KIAA0513: variants seen among roughly 807,000 people sequenced by gnomAD.
KIAA0513 encodes KIAA0513.
A neutral mutation model predicts 56.5 loss-of-function variants in KIAA0513; 39 were observed. That is an observed-to-expected ratio of 0.69 (90% CI 0.53 to 0.90). The LOEUF is 0.90. KIAA0513 is among the 40% of genes least tolerant of loss of function. KIAA0513 has a pLI of 0.00. For synonymous variants in KIAA0513, 268 were observed against 215.6 expected (o/e 1.24, Z -2.13); for missense variants, 591 against 535.2 (o/e 1.10, Z -1.03).
intron 4 of KIAA0513, among the ~76,000 whole-genome samples, chr16:85,074,769 TTC>T (rs2073632668): frequency 6.6e-6 from 1 of 152,132 alleles, no homozygotes; most frequent in South Asian, 2.1e-4. Context: ...TTATGAAACA[TTC>T]TCTCATGCAA....
rs1353101901 is a variant in KIAA0513 at position 85,067,103 on chromosome 16, T to C, written c.32T>C (p.Leu11Pro). 9 of 1,605,254 alleles carry C rather than the reference T, an allele frequency of 5.6e-6. No individual in the cohort carries two copies. Among genetic ancestry groups the C allele is most frequent in the Non-Finnish European group, 3.4e-6 (4 of 1,174,610 alleles). The change falls in exon 2 of 13, where the codon CTA becomes CCA. Residue 11 changes from leucine to proline, a missense_variant. Transcript: ENST00000683363. Reference protein sequence around the residue: METPEVPVGSLIDFGPEAPTS... With the variant: METPEVPVGSPIDFGPEAPTS... ...ACCCCAGAGGTCCCCGTGGGCTCGC[T>C]AATCGACTTTGGGCCTGAGGCACCC...
Position 85,078,401 on chromosome 16 carries a change from C to G in KIAA0513, c.783-14C>G, listed in dbSNP as rs1449187564. On this transcript the variant is annotated splice_polypyrimidine_tract_variant and intron_variant, in intron 6 of 12. Coordinates refer to ENST00000683363, the MANE Select transcript of KIAA0513 (RefSeq NM_001388359.1). ...TGAGTCGCGTGTGTCATCATTGTGCCTTCTCTCCCTCAGGGAAGACGAGAA... is the reference window on the plus strand; with the variant it reads ...TGAGTCGCGTGTGTCATCATTGTGCGTTCTCTCCCTCAGGGAAGACGAGAA... 6.2e-7 allele frequency: 1 copy of G among 1,613,800 alleles called. No homozygotes were observed. Among genetic ancestry groups the G allele is most frequent in the African/African-American group, 1.3e-5 (1 of 74,940 alleles).
chr16:85,068,645 T>C (rs1597625888), intron 2 of KIAA0513, among the ~76,000 whole-genome samples: 1 of 152,152 alleles, frequency 6.6e-6, no homozygotes. Flanking sequence ...TTTTGTATTT[T>C]TAGTAGAGAT....
At chr16:85,071,287 C>G (rs141873488) in intron 2 of KIAA0513, among the ~76,000 whole-genome samples, 1 of 152,192 alleles carries the variant, frequency 6.6e-6, no homozygotes, top group Admixed American at 6.5e-5. Flanking sequence ...CCCGCTGATA[C>G]GTGGGAGGTG....
intron 1 of KIAA0513, among the ~76,000 whole-genome samples, chr16:85,046,926 C>G (rs1162771190): frequency 6.6e-6 from 1 of 152,174 alleles, no homozygotes; most frequent in Non-Finnish European, 1.5e-5. Flanking sequence ...TCTCTGTTAG[C>G]TCAGATAAGA....
At chr16:85,080,486 C>T (rs370389855) in intron 8 of KIAA0513, among the ~76,000 whole-genome samples, 32 of 152,300 alleles carry the variant, frequency 2.1e-4, no homozygotes, top group South Asian at 8.3e-4. Context: ...TTGCCAACCC[C>T]TGATGTTCTT....
At chr16:85,034,079 C>T (rs1462331456) in intron 1 of KIAA0513, among the ~76,000 whole-genome samples, 2 of 152,154 alleles carry the variant, frequency 1.3e-5, no homozygotes, top group Non-Finnish European at 1.5e-5. Context: ...ACTTGTTTCC[C>T]ATGTTAAGAG....
chr16:85,060,761 T>G (rs576014553), intron 1 of KIAA0513, among the ~76,000 whole-genome samples: 2 of 151,846 alleles, frequency 1.3e-5, no homozygotes, highest in African/African-American at 4.8e-5. Flanking sequence ...GGAGGATCAC[T>G]TGAGCACAGG....
intron 1 of KIAA0513, among the ~76,000 whole-genome samples, chr16:85,038,006 C>T (rs1391312586): frequency 1.3e-5 from 2 of 152,200 alleles, no homozygotes; most frequent in Non-Finnish European, 2.9e-5. Context: ...GAATTCAGGT[C>T]ATGGCATTCC....
chr16:85,052,448 G>A (rs918905573), intron 1 of KIAA0513, among the ~76,000 whole-genome samples: 18 of 152,152 alleles, frequency 1.2e-4, no homozygotes, highest in African/African-American at 3.6e-4. Flanking sequence ...GGAGGCCGAG[G>A]TTCCCAGGTT....
intron 1 of KIAA0513, among the ~76,000 whole-genome samples, chr16:85,033,224 G>A (rs1009253928): frequency 6.6e-6 from 1 of 152,242 alleles, no homozygotes; most frequent in South Asian, 2.1e-4. Context: ...CGACCTGCCC[G>A]AGGCCATGCG....
At chr16:85,084,429 C>CTTT (rs34048494) in intron 10 of KIAA0513, among the ~76,000 whole-genome samples, 2 of 53,990 alleles carry the variant, frequency 3.7e-5, no homozygotes, top group Admixed American at 2.0e-4. Flanking sequence ...TTTTCGTTCT[C>CTTT]TTTTTTTTTT....
At position 85,088,685 on chromosome 16, in the gene KIAA0513, G is replaced by A. The variant is rs574868590; in HGVS notation, c.*360G>A. 7.3e-5 allele frequency: 18 copies of A among 245,486 alleles called. No individual in the cohort carries two copies. In the East Asian group the frequency reaches 1.5e-3, roughly 21 times the overall value. The allele number at this position is 245,486 out of a possible 1,614,324, so 15.2% of individuals were successfully genotyped here. ...GGGTGGGGGCGGGCAAGGGATGCAG[G>A]CAGGACAGCCATGAGGTGGGGCTGC... On this transcript the variant is annotated 3_prime_UTR_variant, in exon 13 of 13. Coordinates refer to ENST00000683363, the MANE Select transcript of KIAA0513 (RefSeq NM_001388359.1).
chr16:85,073,014 G>A lies in KIAA0513; in HGVS notation c.503+16G>A, dbSNP rs1294762401. 1.2e-6 allele frequency: 2 copies of A among 1,607,972 alleles called. No individual in the cohort carries two copies. Among genetic ancestry groups the A allele is most frequent in the African/African-American group, 2.7e-5 (2 of 74,784 alleles). On this transcript the variant is annotated intron_variant, in intron 4 of 12. Transcript: ENST00000683363. The stretch of plus-strand genomic sequence containing the variant: ...TGCTGTTCGAGTAAGTAATGCCGTG[G>A]CACAAAGCCTTTGTCCTGGCAAGCT...
At chr16:85,045,378 GAC>G (rs1233651919) in intron 1 of KIAA0513, among the ~76,000 whole-genome samples, 1 of 152,066 alleles carries the variant, frequency 6.6e-6, no homozygotes, top group Non-Finnish European at 1.5e-5. Flanking sequence ...GTTTGTTTGT[GAC>G]AGTCTTGCTC....
chr16:85,065,460 C>T (rs573700855), intron 1 of KIAA0513, among the ~76,000 whole-genome samples: 3 of 152,304 alleles, frequency 2.0e-5, no homozygotes, highest in South Asian at 2.1e-4. Context: ...GCTTGCTTTG[C>T]GGGGCTCCCC....
chr16:85,076,014 G>A lies in KIAA0513; in HGVS notation c.574+100G>A. 1.2e-6 allele frequency: 1 copy of A among 865,330 alleles called. No individual in the cohort carries two copies. The highest frequency in any genetic ancestry group is 1.9e-6 in the Non-Finnish European group (1 of 513,768). 53.6% of individuals were successfully genotyped at this position (865,330 alleles called of 1,614,324 possible). A position where few individuals can be genotyped will look rare whatever the true frequency, so the allele number is the denominator to read the frequency against. On this transcript the variant is annotated intron_variant, in intron 5 of 12. Coordinates refer to ENST00000683363, the MANE Select transcript of KIAA0513 (RefSeq NM_001388359.1). This position sits in a 1 kb window ranked among gnomAD's most constrained non-coding sequence, Gnocchi z 4.7. ...CTTCATGATAAAAAGCAAAAGCTAT[G>A]GGGCCTCCAGAGAACAGAGGAAGCT...
Position 85,088,564 on chromosome 16 carries a change from G to T in KIAA0513, c.*239G>T. The T allele has an allele frequency of 1.8e-6, 1 of 550,964 alleles. No individual in the cohort carries two copies. The highest frequency in any genetic ancestry group is 2.2e-5 in the South Asian group (1 of 45,426). The allele number at this position is 550,964 out of a possible 1,614,324, so 34.1% of individuals were successfully genotyped here. A position where few individuals can be genotyped will look rare whatever the true frequency, so the allele number is the denominator to read the frequency against. On this transcript the variant is annotated 3_prime_UTR_variant, in exon 13 of 13. Transcript: ENST00000683363. ...CTTGGGTCACACAGCTAAAGCCGAG[G>T]TGACCAGTTGTACCCCGAGTGCCAG...
chr16:85,071,864 T>G lies in KIAA0513; in HGVS notation c.411T>G (p.Ala137=). The G allele has an allele frequency of 6.2e-7, 1 of 1,611,792 alleles. No homozygotes were observed. The highest frequency in any genetic ancestry group is 2.2e-5 in the East Asian group (1 of 44,794). The change falls in exon 3 of 13, where the codon GCT becomes GCG. Residue 137 remains alanine (A), a synonymous_variant. Coordinates refer to ENST00000683363, the MANE Select transcript of KIAA0513 (RefSeq NM_001388359.1). ...SENGKGREWF[A]RYVSAQRCNS... ...ATGGAAAAGGCCGGGAGTGGTTTGC[T>G]CGATACGTGAGTGCCCAGGTAAGGG...
Sources: gnomAD v4.1 joint callset for allele counts (sites outside exome capture counted in the v4.1 genomes callset) on GRCh38, gnomAD v4.1.1 for gene constraint, Gnocchi (gnomAD v3.1) non-coding constraint, MANE v1.5 for transcripts, NCBI Gene and HGNC (gene_info 2026-07-23, HGNC 2026-07-21) for gene names.